The following GAS2L1 variants were observed in gnomAD, a reference collection of about 807,000 sequenced individuals.
GAS2L1 encodes the protein growth arrest specific 2 like 1, also known as GAS2-like protein 1.
GAS2L1 carries 26 observed loss-of-function variants against 44.0 expected under a neutral mutation model. The observed-to-expected ratio is 0.59, with a 90% CI of 0.43 to 0.82. The LOEUF is 0.82. Ranked by LOEUF, GAS2L1 falls within the 40% of genes least tolerant of loss-of-function variation. The pLI is 0.00. For synonymous variants in GAS2L1, 426 were observed against 415.9 expected (o/e 1.02, Z -0.30); for missense variants, 1,006 against 983.0 (o/e 1.02, Z -0.31).
intron 2 of GAS2L1, 42 bp from the exon 4 acceptor site, chr22:29,310,596 C>T (rs559877650): frequency 2.0e-5 from 32 of 1,579,932 alleles, no homozygotes; most frequent in African/African-American, 5.4e-5. Context: ...TGGTGGGCTG[C>T]GGGGCGCCCG....
intron 1 of GAS2L1, 47 bp downstream of exon 2, chr22:29,308,785 T>C (rs1027634800): frequency 7.0e-6 from 10 of 1,425,154 alleles, no homozygotes; most frequent in African/African-American, 2.9e-5. Flanking sequence ...GCACAGCCAG[T>C]GCCTGCAATC....
At chr22:29,307,199 G>A (rs560130849) in exon 1 of GAS2L1, 1 of 152,028 alleles carries the variant, frequency 6.6e-6, no homozygotes, top group Non-Finnish European at 1.5e-5. Context: ...GCGCATGGAC[G>A]GGGGTGGGGA....
rs980304140 is a variant in GAS2L1, at chr22:29,312,599, C to T, written c.*102C>T. 11 of 801,976 alleles carry T rather than the reference C, an allele frequency of 1.4e-5. No individual in the cohort carries two copies. The Admixed American group carries it at 1.9e-4, about 14-fold the overall frequency. The allele number at this position is 801,976 out of a possible 1,614,324, so 49.7% of individuals were successfully genotyped here. ...CCCCCTCTGCCTCTTGAGTACCAGA[C>T]CTCATGGGACCAGACCCCTTGGGAC... On this transcript the variant is annotated 3_prime_UTR_variant, in exon 5 of 5. Transcript: ENST00000618518.
intron 4 of GAS2L1, 64 bp downstream of exon 5, chr22:29,311,062 CATG>C: frequency 6.9e-7 from 1 of 1,452,024 alleles, no homozygotes; most frequent in South Asian, 1.2e-5. Flanking sequence ...CCCTGGCCTG[CATG>C]ATGGGTTGCC....
rs1197186364 is a variant in GAS2L1, at chr22:29,310,747, G to GTGGGGC, written c.838+23_838+28dup. The GTGGGGC allele has an allele frequency of 4.4e-6, 7 of 1,606,842 alleles. No individual in the cohort carries two copies. The highest frequency in any genetic ancestry group is 2.7e-5 in the African/African-American group (2 of 74,910). Reference sequence around the variant, plus strand: ...TGCTCCTCCACTGGTCAGTGCCAGGGTGGGGCTGGGGCTGGACGGGCAGGG... The same window carrying GTGGGGC: ...TGCTCCTCCACTGGTCAGTGCCAGGGTGGGGCTGGGGCTGGGGCTGGACGGGCAGGG... On this transcript the variant is annotated intron_variant, in intron 3 of 4. Transcript: ENST00000618518.
Position 29,308,337 on chromosome 22 carries a change from GCCGC to G in GAS2L1, c.240_243del (p.Ala82GlufsTer10). 6.2e-7 allele frequency: 1 copy of G among 1,603,998 alleles called. No homozygotes were observed. Among genetic ancestry groups the G allele is most frequent in the Non-Finnish European group, 8.5e-7 (1 of 1,174,656 alleles). ...GACCGAGGCTGCCCGTGCATTGGCA[GCCGC>G]CCGCCCGGCCCGAGGTGTGGCCTTC... is the stretch of plus-strand genomic sequence containing the variant. On this transcript the variant is annotated frameshift_variant, in exon 1 of 5. Coordinates refer to ENST00000618518, the Ensembl canonical transcript of GAS2L1. LOFTEE classifies it high-confidence loss of function.
chr22:29,311,455 G>A lies in GAS2L1; in HGVS notation c.1011-7G>A, dbSNP rs2061404435. 8.5e-7 allele frequency: 1 copy of A among 1,173,442 alleles called. No homozygotes were observed. Among genetic ancestry groups the A allele is most frequent in the Non-Finnish European group, 1.2e-6 (1 of 833,594 alleles). 72.7% of individuals were successfully genotyped at this position (1,173,442 alleles called of 1,614,324 possible). A position where few individuals can be genotyped will look rare whatever the true frequency, so the allele number is the denominator to read the frequency against. ...CCCCATCTGTCTCTATTGTCCCCCT[G>A]CCCCAGGCCCCGGGATCAGCTGCCC... On this transcript the variant is annotated splice_polypyrimidine_tract_variant and splice_region_variant and intron_variant, in intron 4 of 4. Transcript: ENST00000618518.
At chr22:29,311,243 G>T (rs1045055319) in intron 4 of GAS2L1, 2 of 588,768 alleles carry the variant, frequency 3.4e-6, no homozygotes, top group South Asian at 2.1e-5. Context: ...TCCTGGGAAG[G>T]GGGGTGTCTA....
At chr22:29,308,849 CAA>C in intron 1 of GAS2L1, 111 bp downstream of exon 2, 3 of 837,168 alleles carry the variant, frequency 3.6e-6, no homozygotes, top group Admixed American at 3.4e-5. Flanking sequence ...GTCTGCCCCA[CAA>C]AAAGAGTGCA....
At chr22:29,307,703 G>C (rs547426619) in exon 1 of GAS2L1, 2 of 163,366 alleles carry the variant, frequency 1.2e-5, no homozygotes, top group Admixed American at 6.4e-5. Flanking sequence ...TCTGAGGTCA[G>C]GACCTGGGTT....
chr22:29,312,677 G>C (rs891544076), exon 5 of GAS2L1: 26 of 446,532 alleles, frequency 5.8e-5, no homozygotes, highest in African/African-American at 4.2e-4. Context: ...GATGAGCGTT[G>C]CTATTTAATT....
intron 4 of GAS2L1, 66 bp from the exon 6 acceptor site, chr22:29,311,396 C>A: frequency 3.0e-6 from 2 of 670,472 alleles, no homozygotes; most frequent in Admixed American, 2.8e-5. Flanking sequence ...TGTTCCTCTC[C>A]CTGCCTGTTC....
intron 1 of GAS2L1, among the ~76,000 whole-genome samples, chr22:29,309,945 A>G (rs2061385200): frequency 1.3e-5 from 2 of 152,106 alleles, no homozygotes; most frequent in African/African-American, 4.8e-5. Flanking sequence ...GGACCCAGAG[A>G]GCCAAGAAAG....
Position 29,310,928 on chromosome 22 carries a change from CG to C in GAS2L1, c.944del (p.Gly315AlafsTer6), listed in dbSNP as rs1569141073. The C allele has an allele frequency of 6.2e-7, 1 of 1,613,732 alleles. No homozygotes were observed. Among genetic ancestry groups the C allele is most frequent in the Non-Finnish European group, 8.5e-7 (1 of 1,180,008 alleles). ...TAGCCCAGTCCCTGGGAGTGAGCGC[CG>C]GGGCTCCCGGCCTGAGATGACTCCC... is the stretch of plus-strand genomic sequence containing the variant. On this transcript the variant is annotated frameshift_variant, in exon 4 of 5. Transcript: ENST00000618518. LOFTEE classifies it high-confidence loss of function.
At position 29,312,095 on chromosome 22, in the gene GAS2L1, T is replaced by C. The variant is rs771146040; in HGVS notation, c.1644T>C (p.Ala548=). The change falls in exon 5 of 5, where the codon GCT becomes GCC. Residue 548 remains alanine, a synonymous_variant. Coordinates refer to ENST00000618518, the Ensembl canonical transcript of GAS2L1. ...CCACTGGACCAGCCCCTGACCCAGCTCGGGCCCCCGACCCTCCAGCTCCTG... is the reference window on the plus strand; with the variant it reads ...CCACTGGACCAGCCCCTGACCCAGCCCGGGCCCCCGACCCTCCAGCTCCTG... The C allele has an allele frequency of 6.2e-6, 10 of 1,612,688 alleles. No homozygotes were observed. In the Admixed American group the frequency reaches 1.7e-4, roughly 27 times the overall value.
chr22:29,311,678 G>A (rs2061408266), exon 5 of GAS2L1: 1 of 1,520,836 alleles, frequency 6.6e-7, no homozygotes, highest in Non-Finnish European at 8.8e-7. Flanking sequence ...GAGACCGGCT[G>A]GATCGCGGCC....
exon 1 of GAS2L1, chr22:29,307,990 C>G: frequency 1.2e-6 from 1 of 808,082 alleles, no homozygotes; most frequent in Non-Finnish European, 1.8e-6. Context: ...AGGCATTTGG[C>G]CTGAGTGACA....
exon 5 of GAS2L1, chr22:29,312,402 C>A: frequency 6.4e-7 from 1 of 1,572,910 alleles, no homozygotes. Flanking sequence ...CCCCACGCCT[C>A]GGGGCCCCCG....
At chr22:29,309,988 C>A (rs1275244273) in intron 1 of GAS2L1, among the ~76,000 whole-genome samples, 3 of 152,056 alleles carry the variant, frequency 2.0e-5, no homozygotes, top group Non-Finnish European at 2.9e-5. Context: ...GTGGGCCGGG[C>A]GTGGTGGCTC....
Sources: gnomAD v4.1 joint callset for allele counts (sites outside exome capture counted in the v4.1 genomes callset) on GRCh38, gnomAD v4.1.1 for gene constraint, MANE v1.5 for transcripts, NCBI Gene and HGNC (gene_info 2026-07-23, HGNC 2026-07-21) for gene names.